Variants in PTPRM observed in about 807,000 individuals in gnomAD.
The protein encoded by PTPRM is protein tyrosine phosphatase receptor type M.
Under a neutral mutation model 186.7 loss-of-function variants are expected in PTPRM, and 47 were observed. The ratio of observed to expected loss-of-function variants is 0.25; its 90% CI spans 0.20 to 0.32. The LOEUF (loss-of-function observed/expected upper bound fraction) is 0.32. Among genes scored for constraint, PTPRM ranks in the 10% least tolerant of loss-of-function variants. The pLI, the probability that PTPRM is intolerant of heterozygous loss-of-function variation, is 1.00. For missense variants in PTPRM, 1,494 were observed against 1,865.0 expected, an observed-to-expected ratio of 0.80 and a Z score of 3.66; for synonymous variants, 668 against 674.9, an observed-to-expected ratio of 0.99 and a Z score of 0.16.
intron 32 of PTPRM, among the ~76,000 whole-genome samples, chr18:8,400,425 G>A (rs2095865994): frequency 6.6e-6 from 1 of 152,174 alleles, no homozygotes; most frequent in African/African-American, 2.4e-5. Context: ...CAACTCCCGG[G>A]GGAGCTTTCA....
intron 7 of PTPRM, among the ~76,000 whole-genome samples, chr18:8,000,786 G>T (rs2083823795): frequency 6.6e-6 from 1 of 152,218 alleles, no homozygotes; most frequent in African/African-American, 2.4e-5. Context: ...CTGGATGGCA[G>T]TGCAGACTAA....
chr18:7,830,575 T>C (rs1319213940), intron 2 of PTPRM, among the ~76,000 whole-genome samples: 1 of 152,178 alleles, frequency 6.6e-6, no homozygotes, highest in East Asian at 1.9e-4. Context: ...GGAAAGTCGT[T>C]AGGCAGTACA....
rs779921376 is a variant in PTPRM at position 7,955,243 on chromosome 18, T to C, written c.961T>C (p.Cys321Arg). The change falls in exon 7 of 33, where the codon TGC becomes CGC. Residue 321 changes from cysteine to arginine, a missense_variant. Physicochemically the swap from Cys to Arg is radical, Grantham distance 180. Coordinates refer to ENST00000580170, the MANE Select transcript of PTPRM (RefSeq NM_001105244.2). ...GPIVAREVEY[C>R]TASGSWNDRQ... is the part of the protein sequence containing the mutation. Reference sequence around the variant, plus strand: ...CATTGTGGCCCGAGAGGTGGAGTACTGCACGGCCAGTGGGAGCTGGAATGA... The same window carrying C: ...CATTGTGGCCCGAGAGGTGGAGTACCGCACGGCCAGTGGGAGCTGGAATGA... 20 of 1,614,010 alleles carry C rather than the reference T, an allele frequency of 1.2e-5. No individual in the cohort carries two copies. Among genetic ancestry groups the C allele is most frequent in the Non-Finnish European group, 1.6e-5 (19 of 1,180,052 alleles).
chr18:7,707,579 C>T (rs569212591), intron 1 of PTPRM, among the ~76,000 whole-genome samples: 18 of 151,992 alleles, frequency 1.2e-4, no homozygotes, highest in Non-Finnish European at 1.8e-4. Context: ...TTCGAGGCTA[C>T]GGTGGGCTAT....
intron 1 of PTPRM, among the ~76,000 whole-genome samples, chr18:7,683,985 T>A (rs1300824151): frequency 2.0e-5 from 3 of 152,180 alleles, no homozygotes; most frequent in East Asian, 1.9e-4. Flanking sequence ...TCTGCCTGCC[T>A]TTTCCTGTGG....
At chr18:8,185,002 T>C (rs956858844) in intron 14 of PTPRM, among the ~76,000 whole-genome samples, 2 of 152,176 alleles carry the variant, frequency 1.3e-5, no homozygotes, top group Admixed American at 6.5e-5. Flanking sequence ...AATCTAACTA[T>C]CTTGTTGGTT....
At chr18:8,344,999 A>C (rs934598384) in intron 23 of PTPRM, among the ~76,000 whole-genome samples, 11 of 152,160 alleles carry the variant, frequency 7.2e-5, no homozygotes, top group African/African-American at 2.7e-4. Context: ...CTTAGGTAGG[A>C]TCTGTGGGGG....
intron 22 of PTPRM, among the ~76,000 whole-genome samples, chr18:8,336,077 G>A (rs2095437533): frequency 6.6e-6 from 1 of 151,980 alleles, no homozygotes; most frequent in South Asian, 2.1e-4. Flanking sequence ...AACCTCTACT[G>A]CTTCAAGGGT....
At chr18:8,356,719 C>A (rs969014950) in intron 23 of PTPRM, among the ~76,000 whole-genome samples, 3 of 152,132 alleles carry the variant, frequency 2.0e-5, no homozygotes, top group African/African-American at 7.2e-5. Context: ...CTCCAGTTGG[C>A]GGCTACAGGA....
chr18:8,215,932 T>C (rs1449064469), intron 14 of PTPRM, among the ~76,000 whole-genome samples: 1 of 152,152 alleles, frequency 6.6e-6, no homozygotes, highest in Non-Finnish European at 1.5e-5. Flanking sequence ...ATTTAACCTA[T>C]TTCACTTAAC....
At chr18:7,879,849 T>C (rs1184132251) in intron 2 of PTPRM, among the ~76,000 whole-genome samples, 2 of 151,772 alleles carry the variant, frequency 1.3e-5, no homozygotes, top group Non-Finnish European at 2.9e-5. Flanking sequence ...GGTGAGGGAG[T>C]GTATTAGTCC....
At chr18:7,949,090 C>T (rs998193797) in intron 5 of PTPRM, 91 bp from the exon 6 acceptor site, 3 of 1,267,070 alleles carry the variant, frequency 2.4e-6, no homozygotes, top group Non-Finnish European at 3.3e-6. Context: ...TGCATGAAAA[C>T]AGCATGGATA....
At chr18:7,637,437 G>A (rs1215264464) in intron 1 of PTPRM, among the ~76,000 whole-genome samples, 1 of 152,120 alleles carries the variant, frequency 6.6e-6, no homozygotes, top group Non-Finnish European at 1.5e-5. Context: ...CAGTAGAAAA[G>A]GTTAAGTTCA....
intron 1 of PTPRM, among the ~76,000 whole-genome samples, chr18:7,743,717 G>A (rs78247192): frequency 1.7e-4 from 26 of 152,280 alleles, no homozygotes; most frequent in African/African-American, 9.6e-5. Flanking sequence ...GAGTTTATAC[G>A]TAGTGTAATT....
chr18:7,576,130 G>A (rs2036681598), intron 1 of PTPRM, among the ~76,000 whole-genome samples: 1 of 152,150 alleles, frequency 6.6e-6, no homozygotes, highest in South Asian at 2.1e-4. Context: ...CTGAAGAAAA[G>A]GCCACTGTTT....
chr18:8,199,875 A>C (rs2093829870), intron 14 of PTPRM, among the ~76,000 whole-genome samples: 1 of 152,170 alleles, frequency 6.6e-6, no homozygotes, highest in South Asian at 2.1e-4. Flanking sequence ...TGTGTGTATA[A>C]ATAAGATTAC....
At chr18:8,293,809 C>G (rs376590734) in intron 19 of PTPRM, among the ~76,000 whole-genome samples, 40 of 152,240 alleles carry the variant, frequency 2.6e-4, no homozygotes, top group African/African-American at 9.4e-4. Flanking sequence ...ATATAAAGGT[C>G]TTGTTCTAGA....
intron 22 of PTPRM, among the ~76,000 whole-genome samples, chr18:8,337,571 T>A (rs2095447057): frequency 6.6e-6 from 1 of 152,162 alleles, no homozygotes; most frequent in South Asian, 2.1e-4. Context: ...ACAAAGCAAG[T>A]TAGGCATGAG....
At chr18:8,292,261 T>C (rs2095050904) in intron 19 of PTPRM, among the ~76,000 whole-genome samples, 1 of 152,190 alleles carries the variant, frequency 6.6e-6, no homozygotes, top group Non-Finnish European at 1.5e-5. Flanking sequence ...TGAACGTATA[T>C]GCTAGAAAAA....
Sources: allele counts gnomAD v4.1 joint callset (sites outside exome capture counted in the v4.1 genomes callset), GRCh38; gene constraint gnomAD v4.1.1; transcripts MANE v1.5; gene names NCBI Gene and HGNC (gene_info 2026-07-23, HGNC 2026-07-21).